Variants in GREB1L observed in about 807,000 individuals in gnomAD.
GREB1L encodes the protein GREB1-like protein.
Under a neutral mutation model 200.8 loss-of-function variants are expected in GREB1L, and 17 were observed. The observed-to-expected ratio is 0.08, with a 90% CI of 0.06 to 0.13. The LOEUF (loss-of-function observed/expected upper bound fraction) is 0.13, where lower values mean the gene tolerates loss of function less well. Among genes scored for constraint, GREB1L ranks in the 10% least tolerant of loss-of-function variants. GREB1L has a pLI of 1.00. For synonymous variants in GREB1L, 789 were observed against 893.0 expected, an observed-to-expected ratio of 0.88 and a Z score of 2.08; for missense variants, 1,657 against 2,367.7, an observed-to-expected ratio of 0.70 and a Z score of 6.23.
intron 1 of GREB1L, among the ~76,000 whole-genome samples, chr18:21,347,921 C>G (rs1269138102): frequency 2.0e-5 from 3 of 148,146 alleles, no homozygotes; most frequent in African/African-American, 7.4e-5. Context: ...CACGTGCCAC[C>G]ACACTCGGCT....
intron 6 of GREB1L, among the ~76,000 whole-genome samples, chr18:21,401,544 C>T (rs1477295490): frequency 2.0e-5 from 3 of 152,150 alleles, no homozygotes; most frequent in Non-Finnish European, 1.5e-5. Flanking sequence ...TCTCTGTATT[C>T]GTCTCTTGGG....
chr18:21,511,438 A>G (rs1327687889), intron 27 of GREB1L, among the ~76,000 whole-genome samples: 1 of 151,818 alleles, frequency 6.6e-6, no homozygotes, highest in African/African-American at 2.4e-5. Context: ...CAGTTTGTCT[A>G]TTTTTTCTTA....
intron 1 of GREB1L, among the ~76,000 whole-genome samples, chr18:21,264,269 C>T (rs1434416485): frequency 6.6e-6 from 1 of 150,874 alleles, no homozygotes; most frequent in Admixed American, 6.6e-5. Flanking sequence ...AGATCTGCAT[C>T]CAGAAAAAAA....
intron 1 of GREB1L, among the ~76,000 whole-genome samples, chr18:21,287,298 T>C (rs1398248805): frequency 6.6e-6 from 1 of 152,184 alleles, no homozygotes; most frequent in Non-Finnish European, 1.5e-5. Context: ...CTCCACACTA[T>C]TGGCACTCTG....
intron 15 of GREB1L, among the ~76,000 whole-genome samples, chr18:21,467,214 C>A (rs1163205890): frequency 2.0e-5 from 3 of 152,082 alleles, no homozygotes; most frequent in Non-Finnish European, 4.4e-5. Context: ...GTATATGACA[C>A]CAAAAGCATA....
intron 4 of GREB1L, 129 bp downstream of exon 4, chr18:21,384,532 T>G: frequency 2.8e-6 from 2 of 716,402 alleles, no homozygotes; most frequent in Non-Finnish European, 2.3e-6. Context: ...GAGAAATGAT[T>G]ATGCTCTCAT....
At chr18:21,323,475 G>A (rs984286190) in intron 1 of GREB1L, among the ~76,000 whole-genome samples, 2 of 152,126 alleles carry the variant, frequency 1.3e-5, no homozygotes, top group Non-Finnish European at 2.9e-5. Context: ...ACATTTCACA[G>A]AAAAGCTATA....
intron 1 of GREB1L, among the ~76,000 whole-genome samples, chr18:21,242,980 T>G (rs76802915): frequency 1.3e-5 from 2 of 151,960 alleles, no homozygotes; most frequent in Non-Finnish European, 1.5e-5. Context: ...GTCTGTGGGT[T>G]TTTTTCCTCA....
intron 4 of GREB1L, among the ~76,000 whole-genome samples, chr18:21,392,044 A>AG (rs1197781589): frequency 6.6e-6 from 1 of 152,206 alleles, no homozygotes; most frequent in Non-Finnish European, 1.5e-5. Flanking sequence ...TCCTGACCTC[A>AG]GGTGATCCAC....
chr18:21,315,237 G>A (rs537031324), intron 1 of GREB1L, among the ~76,000 whole-genome samples: 3 of 152,138 alleles, frequency 2.0e-5, no homozygotes, highest in East Asian at 3.9e-4. Context: ...CTACAGGCAC[G>A]CACCACCATG....
intron 1 of GREB1L, among the ~76,000 whole-genome samples, chr18:21,329,221 A>T (rs1283150272): frequency 6.7e-6 from 1 of 149,380 alleles, no homozygotes; most frequent in Non-Finnish European, 1.5e-5. Context: ...ACCAGTTGGG[A>T]GGCTGAGGCA....
chr18:21,300,170 G>C (rs549326472), intron 1 of GREB1L, among the ~76,000 whole-genome samples: 2 of 152,148 alleles, frequency 1.3e-5, no homozygotes, highest in Non-Finnish European at 2.9e-5. Flanking sequence ...ATGCAGATGA[G>C]GTTGCCTTCT....
intron 7 of GREB1L, among the ~76,000 whole-genome samples, chr18:21,433,287 CTTCT>C (rs1462653246): frequency 6.6e-6 from 1 of 151,950 alleles, no homozygotes; most frequent in Non-Finnish European, 1.5e-5. Context: ...AACTTTGTAC[CTTCT>C]GATTTTTAAA....
At position 21,524,926 on chromosome 18, in the gene GREB1L, CATCTT is replaced by C. The variant is rs1177034092; in HGVS notation, c.*2109_*2113del. On this transcript the variant is annotated 3_prime_UTR_variant, in exon 33 of 33. Coordinates refer to ENST00000424526, the MANE Select transcript of GREB1L (RefSeq NM_001142966.3). Reference sequence around the variant, plus strand: ...TACTAATGTTTGGATCTTTTAAAATCATCTTATCATCAGTATAATTCTTGAGTATG... The same window carrying C: ...TACTAATGTTTGGATCTTTTAAAATCATCATCAGTATAATTCTTGAGTATG... 4 of 151,688 alleles carry C rather than the reference CATCTT, an allele frequency of 2.6e-5. No individual in the cohort carries two copies. The highest frequency in any genetic ancestry group is 2.1e-4 in the South Asian group (1 of 4,820). 9.4% of individuals were successfully genotyped at this position (151,688 alleles called of 1,614,324 possible). A position where few individuals can be genotyped will look rare whatever the true frequency, so the allele number is the denominator to read the frequency against.
At chr18:21,437,945 A>G (rs988418005) in intron 7 of GREB1L, among the ~76,000 whole-genome samples, 1 of 152,200 alleles carries the variant, frequency 6.6e-6, no homozygotes, top group Non-Finnish European at 1.5e-5. Flanking sequence ...GGCTCATGCC[A>G]TCAAGCAAGA....
chr18:21,283,622 G>A (rs2038307177), intron 1 of GREB1L, among the ~76,000 whole-genome samples: 1 of 152,102 alleles, frequency 6.6e-6, no homozygotes, highest in Admixed American at 6.6e-5. Flanking sequence ...GAAGTGACTG[G>A]GCATTCTGGA....
At chr18:21,360,202 GGTTTTT>G (rs1277646096) in intron 1 of GREB1L, among the ~76,000 whole-genome samples, 3 of 151,960 alleles carry the variant, frequency 2.0e-5, no homozygotes, top group Non-Finnish European at 4.4e-5. Context: ...TAAAACAAAG[GGTTTTT>G]GTTTTTGTTT....
rs975885941 is a variant in GREB1L at position 21,525,583 on chromosome 18, T to C, written c.*2762T>C. On this transcript the variant is annotated 3_prime_UTR_variant, in exon 33 of 33. Transcript: ENST00000424526. Reference sequence around the variant, plus strand: ...TACATAGTAGATACCAATCTTTTATTTGACAGATTGCAACTACACTCACTT... The same window carrying C: ...TACATAGTAGATACCAATCTTTTATCTGACAGATTGCAACTACACTCACTT... Among the ~76,000 whole-genome samples the C allele has an allele frequency of 6.6e-6, 1 of 152,200 alleles. No homozygotes were observed. Among genetic ancestry groups the C allele is most frequent in the Non-Finnish European group, 1.5e-5 (1 of 68,046 alleles).
At position 21,422,618 on chromosome 18, in the gene GREB1L, A is replaced by G. The variant is rs2032246031; in HGVS notation, c.833-16903A>G. ...GTCTTAAAGATCTTTCCAAATCAAT[A>G]GAGAACTTCCTCATTAATTTTTTAC... On this transcript the variant is annotated intron_variant, in intron 7 of 32. Coordinates refer to ENST00000424526, the MANE Select transcript of GREB1L (RefSeq NM_001142966.3). Among the ~76,000 whole-genome samples, 2 of 152,326 alleles carry G rather than the reference A, an allele frequency of 1.3e-5. 1 individual carries two copies. Among genetic ancestry groups the G allele is most frequent in the South Asian group, 4.1e-4 (2 of 4,824 alleles).
Sources: gnomAD v4.1 joint callset for allele counts (sites outside exome capture counted in the v4.1 genomes callset) on GRCh38, gnomAD v4.1.1 for gene constraint, MANE v1.5 for transcripts, NCBI Gene and HGNC (gene_info 2026-07-23, HGNC 2026-07-21) for gene names.